The following KTN1 variants were observed in gnomAD, a reference collection of about 807,000 sequenced individuals.
KTN1 encodes kinectin 1.
Under a neutral mutation model 222.5 loss-of-function variants are expected in KTN1, and 130 were observed. The observed-to-expected ratio is 0.58, with a 90% CI of 0.51 to 0.68. KTN1 has a LOEUF of 0.68. Ranked by LOEUF, KTN1 falls within the 30% of genes least tolerant of loss-of-function variation. The pLI is 0.00. For synonymous variants in KTN1, 512 were observed against 496.3 expected (o/e 1.03, Z -0.42); for missense variants, 1,508 against 1,500.4 (o/e 1.01, Z -0.08).
At chr14:55,620,740 A>G (rs1241508504) in intron 5 of KTN1, among the ~76,000 whole-genome samples, 22 of 151,854 alleles carry the variant, frequency 1.4e-4, no homozygotes, top group Admixed American at 1.2e-3. Flanking sequence ...TCAGGAAACC[A>G]TTTTTTCTTC....
At chr14:55,583,828 CATGTTTG>C (rs1006519621) in intron 1 of KTN1, among the ~76,000 whole-genome samples, 25 of 152,296 alleles carry the variant, frequency 1.6e-4, no homozygotes, top group African/African-American at 5.3e-4. Context: ...TTTCCTCAAA[CATGTTTG>C]ATGTTTGATG....
intron 1 of KTN1, among the ~76,000 whole-genome samples, chr14:55,607,929 G>A (rs1314030110): frequency 6.6e-6 from 1 of 152,108 alleles, no homozygotes; most frequent in African/African-American, 2.4e-5. Flanking sequence ...CACATTTTTT[G>A]TGAAAACTCG....
At chr14:55,610,544 C>T (rs1384863889) in intron 1 of KTN1, among the ~76,000 whole-genome samples, 1 of 152,164 alleles carries the variant, frequency 6.6e-6, no homozygotes, top group Non-Finnish European at 1.5e-5. Context: ...CTAATCATGA[C>T]ATATCAAGAC....
chr14:55,586,695 T>C (rs1419087463), intron 1 of KTN1, among the ~76,000 whole-genome samples: 1 of 151,978 alleles, frequency 6.6e-6, no homozygotes, highest in Non-Finnish European at 1.5e-5. Context: ...CTCCCCCCCA[T>C]AGGAATTAGA....
In KTN1 at chr14:55,612,509, C is replaced by T. The variant is rs1012937971; in HGVS notation, c.461C>T (p.Pro154Leu). ...EPVPVTKQPT[P>L]PSEAAASKKK... ...GTCCCAGTTACTAAACAGCCCACCC[C>T]TCCCTCTGAAGCAGCTGCCTCGAAG... Residue 154 changes from proline to leucine, a missense_variant, in exon 2 of 44, where the codon CCT becomes CTT. By Grantham distance (98) the Pro-to-Leu change is moderately conservative. Coordinates refer to ENST00000395314, the MANE Select transcript of KTN1 (RefSeq NM_001079521.2). 1 of 1,612,138 alleles carries T rather than the reference C, an allele frequency of 6.2e-7. No individual in the cohort carries two copies. Among genetic ancestry groups the T allele is most frequent in the Non-Finnish European group, 8.5e-7 (1 of 1,179,568 alleles).
chr14:55,658,532 TTTTA>T lies in KTN1; in HGVS notation c.2893-9_2893-6del, dbSNP rs746312101. 2.1e-5 allele frequency: 32 copies of T among 1,494,120 alleles called. No homozygotes were observed. Among genetic ancestry groups the T allele is most frequent in the Non-Finnish European group, 2.9e-5 (31 of 1,074,022 alleles). 92.6% of individuals were successfully genotyped at this position (1,494,120 alleles called of 1,614,324 possible). ...ATCTGTTTAGATACTGATGTTTAAT[TTTTA>T]TTTAATTAGGATGTACAAGATGAAA... is the stretch of plus-strand genomic sequence containing the variant. On this transcript the variant is annotated splice_polypyrimidine_tract_variant and intron_variant, in intron 29 of 43. Coordinates refer to ENST00000395314, the MANE Select transcript of KTN1 (RefSeq NM_001079521.2).
At chr14:55,589,454 C>T (rs1316209930) in intron 1 of KTN1, among the ~76,000 whole-genome samples, 1 of 151,652 alleles carries the variant, frequency 6.6e-6, no homozygotes, top group Non-Finnish European at 1.5e-5. Flanking sequence ...GGATTACAGG[C>T]ACCTGCCACC....
chr14:55,633,941 C>T (rs1250353508), intron 8 of KTN1, among the ~76,000 whole-genome samples: 2 of 152,058 alleles, frequency 1.3e-5, no homozygotes, highest in African/African-American at 2.4e-5. Context: ...GAGTTCGAGA[C>T]CAGCCTGGCC....
rs1417061830 is a variant in KTN1, at chr14:55,658,627, A to G, written c.2961+13A>G. On this transcript the variant is annotated intron_variant, in intron 30 of 43. Coordinates refer to ENST00000395314, the MANE Select transcript of KTN1 (RefSeq NM_001079521.2). Reference sequence around the variant, plus strand: ...AAACTACCAACAGGTAGGTATTATTAGATGTCTTGCCTTTCACTTACGTGG... The same window carrying G: ...AAACTACCAACAGGTAGGTATTATTGGATGTCTTGCCTTTCACTTACGTGG... 4.5e-6 allele frequency: 7 copies of G among 1,570,168 alleles called. No individual in the cohort carries two copies. Among genetic ancestry groups the G allele is most frequent in the Non-Finnish European group, 6.1e-6 (7 of 1,147,732 alleles).
chr14:55,650,947 A>G (rs1229613215), intron 24 of KTN1, among the ~76,000 whole-genome samples: 1 of 152,168 alleles, frequency 6.6e-6, no homozygotes, highest in East Asian at 1.9e-4. Flanking sequence ...GCCCCCTTCT[A>G]AAAGAAAACT....
At chr14:55,596,802 T>C (rs777930346) in intron 1 of KTN1, among the ~76,000 whole-genome samples, 3 of 112,678 alleles carry the variant, frequency 2.7e-5, no homozygotes, top group Admixed American at 9.4e-5. Flanking sequence ...GAATAGAACC[T>C]TTTTTTTTTT....
intron 31 of KTN1, 122 bp downstream of exon 31, chr14:55,659,825 A>G (rs2043914453): frequency 1.6e-6 from 1 of 611,628 alleles, no homozygotes; most frequent in Admixed American, 2.9e-5. Flanking sequence ...TTCTATTTGG[A>G]TATCTTGAAT....
chr14:55,660,644 G>C, intron 31 of KTN1, among the ~76,000 whole-genome samples: 1 of 151,816 alleles, frequency 6.6e-6, no homozygotes, highest in East Asian at 1.9e-4. Flanking sequence ...TAGAATTATT[G>C]ACTATTAAAT....
chr14:55,617,990 G>T lies in KTN1; in HGVS notation c.688G>T (p.Ala230Ser). The T allele has an allele frequency of 6.3e-7, 1 of 1,596,586 alleles. No individual in the cohort carries two copies. The highest frequency in any genetic ancestry group is 8.5e-7 in the Non-Finnish European group (1 of 1,173,464). Reference protein sequence around the residue: ...NVFVDEPLIHATTYIPLMDNA... With the variant: ...NVFVDEPLIHSTTYIPLMDNA... ...CTTCGTAGATGAACCCCTTATTCAT[G>T]CAACTACTTATATTCCTTTGATGGA... The change falls in exon 4 of 44, where the codon GCA (alanine) becomes TCA (serine). Residue 230 changes from alanine (A) to serine (S), a missense_variant. Ala to Ser is a moderately conservative substitution (Grantham distance 99). Coordinates refer to ENST00000395314, the MANE Select transcript of KTN1 (RefSeq NM_001079521.2).
At chr14:55,631,604 G>A (rs555993103) in intron 7 of KTN1, among the ~76,000 whole-genome samples, 2 of 151,826 alleles carry the variant, frequency 1.3e-5, no homozygotes, top group South Asian at 2.1e-4. Context: ...GCAACATAGT[G>A]GGACCCCATT....
intron 7 of KTN1, among the ~76,000 whole-genome samples, chr14:55,631,457 T>C (rs2040529850): frequency 6.6e-6 from 1 of 151,616 alleles, no homozygotes; most frequent in Non-Finnish European, 1.5e-5. Flanking sequence ...GTGACTTTTC[T>C]CTGCCTGGCT....
intron 18 of KTN1, chr14:55,644,299 G>A: frequency 2.9e-6 from 2 of 687,298 alleles, no homozygotes; most frequent in Non-Finnish European, 5.3e-6. Flanking sequence ...AGATTGAACA[G>A]TTTAGTTATG....
At chr14:55,613,178 C>T (rs75560658) in intron 2 of KTN1, among the ~76,000 whole-genome samples, 9,205 of 152,252 alleles carry the variant, frequency 0.06, 385 homozygotes, top group South Asian at 0.09. Context: ...TAGCTGTAGA[C>T]ACAGATAGGT....
At chr14:55,676,758 T>A (rs987322058) in intron 41 of KTN1, among the ~76,000 whole-genome samples, 9 of 152,180 alleles carry the variant, frequency 5.9e-5, no homozygotes, top group African/African-American at 2.2e-4. Context: ...TTTAAAGAGT[T>A]GAAAGAAATT....
Sources: gnomAD v4.1 joint callset for allele counts (sites outside exome capture counted in the v4.1 genomes callset) on GRCh38, gnomAD v4.1.1 for gene constraint, MANE v1.5 for transcripts, NCBI Gene and HGNC (gene_info 2026-07-23, HGNC 2026-07-21) for gene names.